TPM4: variants seen among roughly 807,000 people sequenced by gnomAD.
TPM4 encodes tropomyosin 4, also known as tropomyosin alpha-4 chain.
Under a neutral mutation model 35.8 loss-of-function variants are expected in TPM4, and 17 were observed. That is an observed-to-expected ratio of 0.47 (90% confidence interval 0.32 to 0.71). The LOEUF (loss-of-function observed/expected upper bound fraction) is 0.71, where lower values mean the gene tolerates loss of function less well. Ranked by LOEUF, TPM4 falls within the 30% of genes least tolerant of loss-of-function variation. TPM4 has a pLI of 0.03. For missense variants in TPM4, 240 were observed against 320.9 expected (o/e 0.75, Z 1.93); for synonymous variants, 120 against 122.9 (o/e 0.98, Z 0.15).
chr19:16,071,481 G>A (rs573089596), intron 2 of TPM4, among the ~76,000 whole-genome samples: 1 of 152,286 alleles, frequency 6.6e-6, no homozygotes, highest in Admixed American at 6.5e-5. Context: ...CACGGAGCCT[G>A]GTCTTTGTGA....
chr19:16,096,139 C>A (rs143774434), intron 7 of TPM4, among the ~76,000 whole-genome samples: 5 of 152,148 alleles, frequency 3.3e-5, no homozygotes, highest in African/African-American at 1.2e-4. Context: ...CCATGTTGGT[C>A]AGGCTGGTCT....
At chr19:16,076,171 A>G (rs1173196554), upstream of TPM4, 10 of 1,556,588 alleles carry the variant, frequency 6.4e-6, no homozygotes, top group African/African-American at 1.4e-4. Context: ...AAGGCCTCCG[A>G]CGTACGTGTG....
At chr19:16,076,322 C>T, upstream of TPM4, 2 of 1,499,890 alleles carry the variant, frequency 1.3e-6, no homozygotes, top group Admixed American at 2.7e-5. Flanking sequence ...CGAAAAGGGG[C>T]ACTTTCCAGC....
chr19:16,083,757 CTTTTT>C (rs573965261), intron 2 of TPM4, among the ~76,000 whole-genome samples: 2 of 120,662 alleles, frequency 1.7e-5, no homozygotes. Flanking sequence ...AGATTCATTT[CTTTTT>C]TTTTTTTTTT....
Position 16,081,960 on chromosome 19 carries a change from G to A in TPM4, c.180G>A (p.Glu60=), listed in dbSNP as rs114629262. The change falls in exon 2 of 8, where the codon GAG becomes GAA. Residue 60 remains glutamate (E), a synonymous_variant. Transcript: ENST00000643579. ...TCAACCGACGCATCCAGCTCGTTGAGGAGGAGTTGGACAGGGCTCAGGAAC... is the reference window on the plus strand; with the variant it reads ...TCAACCGACGCATCCAGCTCGTTGAAGAGGAGTTGGACAGGGCTCAGGAAC... ...AALNRRIQLV[E]EELDRAQERL... is the part of the protein sequence containing the mutation. 7.4e-5 allele frequency: 119 copies of A among 1,610,030 alleles called. No individual in the cohort carries two copies. The African/African-American group carries it at 9.2e-4, about 12-fold the overall frequency.
chr19:16,094,510 T>G (rs536395854), intron 7 of TPM4, among the ~76,000 whole-genome samples: 16 of 151,182 alleles, frequency 1.1e-4, no homozygotes, highest in Admixed American at 2.6e-4. Flanking sequence ...CTCTCCAGCC[T>G]GGGTGACAGA....
chr19:16,076,763 G>A (rs934637027), intron 1 of TPM4, 66 bp downstream of exon 1: 23 of 1,284,612 alleles, frequency 1.8e-5, no homozygotes, highest in South Asian at 4.5e-5. Context: ...CTTTCTTCCC[G>A]GCTTCCCGCG....
chr19:16,084,147 T>C (rs1257725022), intron 2 of TPM4, among the ~76,000 whole-genome samples: 1 of 152,200 alleles, frequency 6.6e-6, no homozygotes, highest in East Asian at 1.9e-4. Flanking sequence ...CACGATGTTC[T>C]CAAGCTCCTG....
chr19:16,095,685 A>C lies in TPM4; in HGVS notation c.664+1932A>C, dbSNP rs1041035904. 6.8e-6 allele frequency: 5 copies of C among 731,030 alleles called. No individual in the cohort carries two copies. In the African/African-American group the frequency reaches 9.6e-5, roughly 14 times the overall value. The allele number at this position is 731,030 out of a possible 1,614,324, so 45.3% of individuals were successfully genotyped here. ...TGCTTTTCTGAAGACGTGAAAACAA[A>C]AGCAAACTGGGCATGTGCTCTCAGA... On this transcript the variant is annotated intron_variant, in intron 7 of 7. Transcript: ENST00000643579.
chr19:16,083,160 T>C (rs772259522), intron 2 of TPM4, among the ~76,000 whole-genome samples: 10 of 152,164 alleles, frequency 6.6e-5, no homozygotes, highest in Non-Finnish European at 1.2e-4. Flanking sequence ...CAACTGACCA[T>C]GCACCAGGTG....
At chr19:16,069,547 G>T (rs1166045412) in intron 2 of TPM4, among the ~76,000 whole-genome samples, 9 of 147,614 alleles carry the variant, frequency 6.1e-5, no homozygotes, top group Admixed American at 4.0e-4. Context: ...GTTGTGTGTG[G>T]ATGAGTGTGT....
intron 7 of TPM4, among the ~76,000 whole-genome samples, chr19:16,098,521 TGTC>T (rs924329838): frequency 3.9e-5 from 6 of 152,184 alleles, no homozygotes; most frequent in East Asian, 1.9e-4. Flanking sequence ...CTGTGAGCCT[TGTC>T]GTGATTCTCA....
At chr19:16,078,297 T>G in intron 1 of TPM4, 1 of 388,688 alleles carries the variant, frequency 2.6e-6, no homozygotes, top group Non-Finnish European at 4.5e-6. Flanking sequence ...GAAAGTTGTA[T>G]GATGAGGGTG....
intron 5 of TPM4, among the ~76,000 whole-genome samples, chr19:16,090,824 AT>A (rs1017045831): frequency 0.039 from 4,806 of 123,354 alleles, 285 homozygotes; most frequent in African/African-American, 0.14. Context: ...TGTGTGTGTA[AT>A]TTTTTTTTTT....
intron 7 of TPM4, among the ~76,000 whole-genome samples, chr19:16,096,569 T>C (rs2090700051): frequency 1.3e-5 from 2 of 152,158 alleles, no homozygotes; most frequent in African/African-American, 4.8e-5. Context: ...TCTTGTGTCT[T>C]TTCTCTGTGT....
chr19:16,072,027 G>A (rs2090360942), upstream of TPM4, among the ~76,000 whole-genome samples: 2 of 152,174 alleles, frequency 1.3e-5, no homozygotes, highest in Admixed American at 6.5e-5. Context: ...TCACCATGTT[G>A]GTCTGGCTGG....
At position 16,070,603 on chromosome 19, in the gene TPM4, T is replaced by G. The variant is rs1407440319; in HGVS notation, c.114+2865T>G. Among the ~76,000 whole-genome samples the G allele has an allele frequency of 2.6e-5, 4 of 152,264 alleles. No homozygotes were observed. Among genetic ancestry groups the G allele is most frequent in the East Asian group, 1.9e-4 (1 of 5,180 alleles). On this transcript the variant is annotated intron_variant, in intron 2 of 2. Coordinates refer to the TPM4 transcript ENST00000589897. The surrounding 1 kb of genome is among the most constrained non-coding windows in gnomAD (Gnocchi z 7.4). ...CGCCTGCATGAGTGAGATACGGAAG[T>G]GACAGTAGGGCCTCCCTTGCCACCC...
At chr19:16,094,665 T>TAAAA (rs559812776) in intron 7 of TPM4, among the ~76,000 whole-genome samples, 1 of 145,726 alleles carries the variant, frequency 6.9e-6, no homozygotes, top group African/African-American at 2.5e-5. Flanking sequence ...TCATAGTATT[T>TAAAA]AAAAAAAAAA....
chr19:16,069,748 GTGTGTGCA>G, intron 2 of TPM4, among the ~76,000 whole-genome samples: 1 of 149,146 alleles, frequency 6.7e-6, no homozygotes, highest in East Asian at 2.0e-4. Flanking sequence ...CTATTGGGGG[GTGTGTGCA>G]TGTGTGGATG....
Sources: allele counts gnomAD v4.1 joint callset (sites outside exome capture counted in the v4.1 genomes callset), GRCh38; gene constraint gnomAD v4.1.1; non-coding constraint Gnocchi (gnomAD v3.1); transcripts MANE v1.5; gene names NCBI Gene and HGNC (gene_info 2026-07-23, HGNC 2026-07-21).